DMD: variants seen among roughly 807,000 people sequenced by gnomAD.
The protein encoded by DMD is mutant dystrophin.
A neutral mutation model predicts 330.1 loss-of-function variants in DMD; 63 were observed. That is an observed-to-expected ratio of 0.19 (90% confidence interval 0.16 to 0.24). The LOEUF (loss-of-function observed/expected upper bound fraction) is 0.24. Ranked by LOEUF, DMD falls within the 10% of genes least tolerant of loss-of-function variation. DMD has a pLI of 1.00. For missense variants in DMD, 3,344 were observed against 2,684.1 expected, an observed-to-expected ratio of 1.25 and a Z score of -5.43; for synonymous variants, 1,223 against 959.8, an observed-to-expected ratio of 1.27 and a Z score of -5.07.
rs146757256 is a variant in DMD, at chrX:32,622,642, T to A, written c.1332-8189A>T. ...ACTTCGCATCCAATTATACTTCATA[T>A]ACAAAGTATAAGCTCTCCAGTTTGC... On this transcript the variant is annotated intron_variant, in intron 11 of 78. Coordinates refer to ENST00000357033, the MANE Select transcript of DMD (RefSeq NM_004006.3). 3.4e-3 allele frequency among the ~76,000 whole-genome samples: 385 copies of A among 112,065 alleles called. 8 individuals carry two copies. The highest frequency in any genetic ancestry group is 0.025 in the Admixed American group (260 of 10,529).
chrX:32,282,802 T>C (rs1352123202), intron 43 of DMD, among the ~76,000 whole-genome samples: 1 of 112,481 alleles, frequency 8.9e-6, no homozygotes, highest in Non-Finnish European at 1.9e-5. Context: ...CTTTGAAATA[T>C]AGTTTTCTCC....
At chrX:33,009,408 A>ATATACACATGTGTGTATATGTATGTG (rs2093550852) in intron 2 of DMD, among the ~76,000 whole-genome samples, 1 of 89,731 alleles carries the variant, frequency 1.1e-5, no homozygotes, top group Non-Finnish European at 2.2e-5. Flanking sequence ...GTATATGTGT[A>ATATACACATGTGTGTATATGTATGTG]TATACACATG....
intron 60 of DMD, among the ~76,000 whole-genome samples, chrX:31,384,237 G>A (rs930536387): frequency 2.1e-4 from 23 of 111,170 alleles, no homozygotes; most frequent in African/African-American, 7.5e-4. Flanking sequence ...AGTGGAGTCT[G>A]CCCCTGCCAG....
intron 54 of DMD, among the ~76,000 whole-genome samples, chrX:31,651,838 AAC>A (rs1301557732): frequency 8.9e-6 from 1 of 111,799 alleles, no homozygotes; most frequent in Non-Finnish European, 1.9e-5. Context: ...GAATTATGAC[AAC>A]AGTTTCCTAA....
At chrX:31,596,055 A>T (rs912997733) in intron 55 of DMD, among the ~76,000 whole-genome samples, 1 of 111,726 alleles carries the variant, frequency 9.0e-6, no homozygotes, top group Non-Finnish European at 1.9e-5. Context: ...CAAGGACTGA[A>T]AAAAGCTCAA....
intron 9 of DMD, among the ~76,000 whole-genome samples, chrX:32,689,909 A>G: frequency 9.0e-6 from 1 of 110,962 alleles, no homozygotes; most frequent in South Asian, 3.8e-4. Flanking sequence ...AAATTGCTTC[A>G]ATGTAAAAGC....
intron 7 of DMD, among the ~76,000 whole-genome samples, chrX:32,728,875 ACT>A (rs2067199756): frequency 8.9e-6 from 1 of 111,829 alleles, no homozygotes; most frequent in Non-Finnish European, 1.9e-5. Flanking sequence ...CCACTTAAAC[ACT>A]GTTAGTCTTT....
rs2097058201 is a variant in DMD, at chrX:32,204,999, T to TACA, written c.6438+11916_6438+11917insTGT. ...CCATCTCTCTCTCTCTCTCTCTCTC[T>TACA]CTCTCTCACATACACACACACACAC... On this transcript the variant is annotated intron_variant, in intron 44 of 78. Transcript: ENST00000357033. Among the ~76,000 whole-genome samples the TACA allele has an allele frequency of 3.6e-4, 16 of 44,239 alleles. No individual in the cohort carries two copies. In the Admixed American group the frequency reaches 5.1e-3, roughly 14 times the overall value. 38.4% of individuals were successfully genotyped at this position (44,239 alleles called of 115,157 possible).
chrX:32,531,129 T>C (rs1259905893), intron 17 of DMD, among the ~76,000 whole-genome samples: 1 of 111,270 alleles, frequency 9.0e-6, no homozygotes, highest in Non-Finnish European at 1.9e-5. Context: ...ATATAAAATG[T>C]CCAAAGATAT....
intron 1 of DMD, chrX:33,128,434 A>G: frequency 1.0e-6 from 1 of 968,506 alleles, no homozygotes; most frequent in African/African-American, 2.0e-5. Context: ...AGCATTTTGC[A>G]AACACTCCCC....
chrX:31,488,544 T>C lies in DMD; in HGVS notation c.8547+8244A>G, dbSNP rs146523563. On this transcript the variant is annotated intron_variant, in intron 57 of 78. Transcript: ENST00000357033. The stretch of plus-strand genomic sequence containing the variant: ...TGATCATTCCCAAGTCTTTCTCAGA[T>C]GGCAACATCATTATTTTATTTGTTC... 4.8e-3 allele frequency among the ~76,000 whole-genome samples: 534 copies of C among 112,057 alleles called. 4 individuals are homozygous for C. The highest frequency in any genetic ancestry group is 0.016 in the African/African-American group (499 of 30,814).
chrX:32,912,911 T>A lies in DMD; in HGVS notation c.94-63091A>T, dbSNP rs138075300. Among the ~76,000 whole-genome samples, 420 of 112,522 alleles carry A rather than the reference T, an allele frequency of 3.7e-3. 1 individual carries two copies. Among genetic ancestry groups the A allele is most frequent in the Non-Finnish European group, 5.9e-3 (313 of 53,333 alleles). On this transcript the variant is annotated intron_variant, in intron 2 of 78. Coordinates refer to ENST00000357033, the MANE Select transcript of DMD (RefSeq NM_004006.3). ...AAACTGTATGTCTTAAAATCTTTTG[T>A]TCTTATGTAATAAGATATTTTTAAA...
chrX:32,807,058 C>T (rs1284334511), intron 7 of DMD, among the ~76,000 whole-genome samples: 3 of 74,540 alleles, frequency 4.0e-5, no homozygotes, highest in African/African-American at 1.6e-4. Flanking sequence ...GCAAGCAAAT[C>T]AAAAGCTAGC....
intron 65 of DMD, among the ~76,000 whole-genome samples, chrX:31,207,842 C>T (rs1270502973): frequency 1.8e-5 from 2 of 110,540 alleles, no homozygotes; most frequent in Non-Finnish European, 3.8e-5. Flanking sequence ...TGACCTTGAG[C>T]AGTAGGATAG....
At chrX:33,148,682 A>G (rs2048140427) in intron 1 of DMD, among the ~76,000 whole-genome samples, 1 of 112,109 alleles carries the variant, frequency 8.9e-6, no homozygotes, top group Admixed American at 9.5e-5. Context: ...AAAAATGTGA[A>G]AAATAATGAA....
rs1569517146 is a variant in DMD, at chrX:31,284,857, CACA to C, written c.9225-23844_9225-23842del. ...ACACACACACACACACACACACACACACACACCCACACCCACACACGCAAAGTA... is the reference window on the plus strand; with the variant it reads ...ACACACACACACACACACACACACACCACCCACACCCACACACGCAAAGTA... On this transcript the variant is annotated intron_variant, in intron 62 of 78. Coordinates refer to ENST00000357033, the MANE Select transcript of DMD (RefSeq NM_004006.3). Among the ~76,000 whole-genome samples, 77 of 107,700 alleles carry C rather than the reference CACA, an allele frequency of 7.1e-4. 1 individual carries two copies. The highest frequency in any genetic ancestry group is 2.5e-3 in the African/African-American group (73 of 29,057). 93.5% of individuals were successfully genotyped at this position (107,700 alleles called of 115,157 possible).
At chrX:32,190,528 C>T (rs1182983150) in intron 44 of DMD, among the ~76,000 whole-genome samples, 1 of 82,185 alleles carries the variant, frequency 1.2e-5, no homozygotes, top group Non-Finnish European at 2.3e-5. Flanking sequence ...TCGTCATATT[C>T]TAGCTAACCA....
chrX:31,469,554 G>T (rs1030244279), intron 59 of DMD, among the ~76,000 whole-genome samples: 2 of 112,002 alleles, frequency 1.8e-5, no homozygotes, highest in African/African-American at 6.5e-5. Flanking sequence ...TTAGTCTGAT[G>T]GGCTTTCCTT....
At chrX:31,845,213 T>A (rs1357817851) in intron 48 of DMD, among the ~76,000 whole-genome samples, 2 of 110,644 alleles carry the variant, frequency 1.8e-5, no homozygotes, top group Non-Finnish European at 3.8e-5. Flanking sequence ...AAGAAATGAG[T>A]CATGTCAACA....
Sources: gnomAD v4.1 joint callset for allele counts (sites outside exome capture counted in the v4.1 genomes callset) on GRCh38, gnomAD v4.1.1 for gene constraint, MANE v1.5 for transcripts, NCBI Gene and HGNC (gene_info 2026-07-23, HGNC 2026-07-21) for gene names.